ULK4: variants seen among roughly 807,000 people sequenced by gnomAD.
ULK4 encodes the protein unc-51 like kinase 4.
A neutral mutation model predicts 160.6 loss-of-function variants in ULK4; 133 were observed. The observed-to-expected ratio is 0.83, with a 90% CI of 0.72 to 0.96. The LOEUF (loss-of-function observed/expected upper bound fraction) is 0.96, where lower values mean the gene tolerates loss of function less well. Ranked by LOEUF, ULK4 falls within the 40% of genes least tolerant of loss-of-function variation. The pLI is 0.00. For missense variants in ULK4, 1,580 were observed against 1,499.5 expected (o/e 1.05, Z -0.89); for synonymous variants, 534 against 539.8 (o/e 0.99, Z 0.15).
intron 31 of ULK4, among the ~76,000 whole-genome samples, chr3:41,568,103 T>C (rs928503532): frequency 2.6e-5 from 4 of 152,200 alleles, no homozygotes; most frequent in Admixed American, 6.5e-5. Context: ...CAACAAATAC[T>C]AAGTGCCAAC....
chr3:41,307,897 A>G (rs1279554307), intron 35 of ULK4, among the ~76,000 whole-genome samples: 2 of 152,208 alleles, frequency 1.3e-5, no homozygotes, highest in Non-Finnish European at 2.9e-5. Flanking sequence ...CCTCAGTGGG[A>G]AAACACACAG....
chr3:41,935,227 T>A (rs1212275424), intron 4 of ULK4, among the ~76,000 whole-genome samples: 9 of 10,742 alleles, frequency 8.4e-4, no homozygotes, highest in African/African-American at 8.5e-4. Context: ...TTTTTTTTTT[T>A]TTTTTTTTTT....
At chr3:41,780,928 G>A (rs191045081) in intron 21 of ULK4, among the ~76,000 whole-genome samples, 133 of 152,136 alleles carry the variant, frequency 8.7e-4, no homozygotes, top group African/African-American at 3.1e-3. Context: ...CACACAGAAA[G>A]GGGAAGGAAA....
chr3:41,707,907 T>C (rs1489700237), intron 25 of ULK4, among the ~76,000 whole-genome samples: 1 of 151,014 alleles, frequency 6.6e-6, no homozygotes, highest in African/African-American at 2.4e-5. Context: ...AATAGGTATA[T>C]GAAAAAATGC....
chr3:41,673,144 CT>C (rs1179009353), intron 29 of ULK4, among the ~76,000 whole-genome samples: 5 of 151,964 alleles, frequency 3.3e-5, no homozygotes, highest in South Asian at 2.1e-4. Context: ...CCAGCCAAAA[CT>C]TTTTTTTAAT....
At chr3:41,553,336 G>T in intron 32 of ULK4, among the ~76,000 whole-genome samples, 1 of 151,980 alleles carries the variant, frequency 6.6e-6, no homozygotes, top group Admixed American at 6.6e-5. Context: ...ATGGGAGAAA[G>T]TATTTTCAAG....
intron 18 of ULK4, among the ~76,000 whole-genome samples, chr3:41,835,413 T>C (rs1429518790): frequency 1.3e-5 from 2 of 152,206 alleles, no homozygotes; most frequent in African/African-American, 2.4e-5. Context: ...ATATTGCACC[T>C]TTAGATATAA....
At chr3:41,862,182 A>G (rs1386122244) in intron 17 of ULK4, among the ~76,000 whole-genome samples, 1 of 151,400 alleles carries the variant, frequency 6.6e-6, no homozygotes, top group African/African-American at 2.4e-5. Context: ...AAAGGACGCC[A>G]ATATATTTTT....
chr3:41,281,779 T>C (rs148758388), intron 35 of ULK4, among the ~76,000 whole-genome samples: 2 of 152,174 alleles, frequency 1.3e-5, no homozygotes, highest in African/African-American at 4.8e-5. Context: ...CTATTCAACA[T>C]AGTGTTGGAA....
At chr3:41,525,922 C>A (rs533157189) in intron 32 of ULK4, among the ~76,000 whole-genome samples, 1 of 152,158 alleles carries the variant, frequency 6.6e-6, no homozygotes, top group South Asian at 2.1e-4. Flanking sequence ...TGTGTGACTA[C>A]CTAAAGCCTA....
intron 17 of ULK4, among the ~76,000 whole-genome samples, chr3:41,851,662 C>T (rs184258662): frequency 5.3e-4 from 80 of 152,146 alleles, no homozygotes; most frequent in African/African-American, 1.7e-3. Flanking sequence ...GTACCAGCTC[C>T]TCCTTGTACC....
chr3:41,421,095 C>G (rs2082654965), intron 34 of ULK4, among the ~76,000 whole-genome samples: 1 of 149,070 alleles, frequency 6.7e-6, no homozygotes, highest in African/African-American at 2.5e-5. Context: ...GCCTGGGAAA[C>G]AAATAAGTGA....
chr3:41,718,812 CT>C (rs1207740779), intron 22 of ULK4, among the ~76,000 whole-genome samples: 1 of 152,184 alleles, frequency 6.6e-6, no homozygotes, highest in African/African-American at 2.4e-5. Flanking sequence ...AATCTTGATA[CT>C]TAGCATTTAT....
At chr3:41,844,751 A>G (rs1461861748) in intron 17 of ULK4, among the ~76,000 whole-genome samples, 6 of 150,998 alleles carry the variant, frequency 4.0e-5, no homozygotes, top group African/African-American at 1.5e-4. Flanking sequence ...GTGAGAATGT[A>G]AAACACTACA....
intron 32 of ULK4, among the ~76,000 whole-genome samples, chr3:41,503,010 T>C (rs2085262298): frequency 6.6e-6 from 1 of 152,166 alleles, no homozygotes; most frequent in South Asian, 2.1e-4. Context: ...ATACAACTAT[T>C]GATAAATTAG....
intron 17 of ULK4, among the ~76,000 whole-genome samples, chr3:41,880,577 C>T (rs1170931415): frequency 6.6e-6 from 1 of 152,112 alleles, no homozygotes; most frequent in East Asian, 1.9e-4. Context: ...TTTGCTGGCT[C>T]GGCACTGTGG....
intron 32 of ULK4, among the ~76,000 whole-genome samples, chr3:41,491,008 T>A (rs936574108): frequency 6.6e-6 from 1 of 152,054 alleles, no homozygotes; most frequent in Admixed American, 6.5e-5. Context: ...AAAAGAGTAA[T>A]AACCATAAAA....
At chr3:41,815,692 T>C (rs2040942298) in intron 19 of ULK4, among the ~76,000 whole-genome samples, 1 of 152,202 alleles carries the variant, frequency 6.6e-6, no homozygotes, top group South Asian at 2.1e-4. Context: ...TCACATCTTT[T>C]ATACTTAGTT....
chr3:41,636,659 G>A (rs1294503752), intron 30 of ULK4, among the ~76,000 whole-genome samples: 1 of 151,894 alleles, frequency 6.6e-6, no homozygotes, highest in East Asian at 1.9e-4. Context: ...ACAATGTGCA[G>A]GTTAGTTACA....
Sources: allele counts gnomAD v4.1 joint callset (sites outside exome capture counted in the v4.1 genomes callset), GRCh38; gene constraint gnomAD v4.1.1; transcripts MANE v1.5; gene names NCBI Gene and HGNC (gene_info 2026-07-23, HGNC 2026-07-21).